The following GNAQ variants were observed in gnomAD, a reference collection of about 807,000 sequenced individuals.
The protein encoded by GNAQ is guanine nucleotide-binding protein G(q) subunit alpha.
In GNAQ, 8 loss-of-function variants were observed where a neutral mutation model predicts 43.9. That is an observed-to-expected ratio of 0.18 (90% CI 0.11 to 0.33). GNAQ has a LOEUF of 0.33. Ranked by LOEUF, GNAQ falls within the 10% of genes least tolerant of loss-of-function variation. The probability of loss-of-function intolerance (pLI) is 1.00; values close to 1 mark genes in which losing one functional copy is unlikely to be tolerated. For missense variants in GNAQ, 158 were observed against 450.8 expected (o/e 0.35, Z 5.88); for synonymous variants, 155 against 170.7 (o/e 0.91, Z 0.71).
chr9:77,892,257 T>C (rs1478363500), intron 2 of GNAQ, among the ~76,000 whole-genome samples: 1 of 152,178 alleles, frequency 6.6e-6, no homozygotes, highest in African/African-American at 2.4e-5. Flanking sequence ...CCAGCCCTAG[T>C]GTGGAACCCA....
intron 2 of GNAQ, among the ~76,000 whole-genome samples, chr9:77,862,726 A>G (rs1827875227): frequency 6.6e-6 from 1 of 152,220 alleles, no homozygotes; most frequent in Non-Finnish European, 1.5e-5. Flanking sequence ...TACTTATGCA[A>G]ATTTCTGCAG....
At chr9:78,018,839 A>C (rs1162555338) in intron 1 of GNAQ, among the ~76,000 whole-genome samples, 2 of 152,220 alleles carry the variant, frequency 1.3e-5, no homozygotes, top group Non-Finnish European at 2.9e-5. Context: ...TTTTTAATAG[A>C]AATCATTGTG....
chr9:77,756,837 A>G (rs1281053996), intron 5 of GNAQ, among the ~76,000 whole-genome samples: 1 of 152,210 alleles, frequency 6.6e-6, no homozygotes, highest in African/African-American at 2.4e-5. Context: ...GAGAAGGGTA[A>G]CTAAAATCCT....
intron 1 of GNAQ, among the ~76,000 whole-genome samples, chr9:77,956,625 C>A (rs1239946617): frequency 3.9e-5 from 6 of 152,154 alleles, no homozygotes; most frequent in Admixed American, 3.9e-4. Flanking sequence ...AGCCTCTCTT[C>A]AATGGTGAGT....
intron 1 of GNAQ, among the ~76,000 whole-genome samples, chr9:77,967,473 A>C (rs1823182794): frequency 6.6e-6 from 1 of 152,054 alleles, no homozygotes; most frequent in African/African-American, 2.4e-5. Context: ...CTCCTTAGCC[A>C]CTCGAAGACC....
intron 2 of GNAQ, among the ~76,000 whole-genome samples, chr9:77,828,399 A>T (rs542984986): frequency 6.6e-6 from 1 of 152,280 alleles, no homozygotes; most frequent in East Asian, 1.9e-4. Flanking sequence ...TGAAGAATGG[A>T]TGTGTATGTA....
At chr9:78,029,978 G>C (rs1215602689) in intron 1 of GNAQ, among the ~76,000 whole-genome samples, 1 of 152,134 alleles carries the variant, frequency 6.6e-6, no homozygotes, top group Non-Finnish European at 1.5e-5. Context: ...CTGATCGCTT[G>C]ATTCTGAACA....
At chr9:77,962,720 T>G (rs931595313) in intron 1 of GNAQ, among the ~76,000 whole-genome samples, 1 of 151,726 alleles carries the variant, frequency 6.6e-6, no homozygotes, top group African/African-American at 2.4e-5. Flanking sequence ...TGAAACCCCG[T>G]GTCTAATAAA....
At position 77,815,780 on chromosome 9, in the gene GNAQ, T is replaced by TA. The variant is rs760319347; in HGVS notation, c.322-11dup. The TA allele has an allele frequency of 1.4e-5, 22 of 1,601,742 alleles. No homozygotes were observed. The highest frequency in any genetic ancestry group is 2.2e-5 in the East Asian group (1 of 44,728). On this transcript the variant is annotated splice_polypyrimidine_tract_variant and intron_variant, in intron 2 of 6. Transcript: ENST00000286548. The stretch of plus-strand genomic sequence containing the variant: ...CTAATTGTGCATGAGCCTGTTTAAA[T>TA]AAAAAAAGGCAGTTTTAATACCCTA...
intron 1 of GNAQ, among the ~76,000 whole-genome samples, chr9:77,936,079 A>G (rs1034946166): frequency 1.3e-5 from 2 of 152,198 alleles, no homozygotes; most frequent in Non-Finnish European, 2.9e-5. Flanking sequence ...AGTTAAAGAA[A>G]GTACATCGGT....
At chr9:77,904,583 C>T (rs1290224446) in intron 2 of GNAQ, among the ~76,000 whole-genome samples, 3 of 151,968 alleles carry the variant, frequency 2.0e-5, no homozygotes, top group Admixed American at 6.6e-5. Flanking sequence ...CTGCCCGCCT[C>T]GGCCTCCCAA....
rs571821162 is a variant in GNAQ, at chr9:78,018,733, C to T, written c.136+12367G>A. Among the ~76,000 whole-genome samples, 63 of 152,192 alleles carry T rather than the reference C, an allele frequency of 4.1e-4. 1 individual carries two copies. Among genetic ancestry groups the T allele is most frequent in the South Asian group, 1.0e-3 (5 of 4,814 alleles). On this transcript the variant is annotated intron_variant, in intron 1 of 6. Coordinates refer to ENST00000286548, the MANE Select transcript of GNAQ (RefSeq NM_002072.5). ...CCACCAAATGACAGTATCTCAAGTG[C>T]TCTTATTTCATTCCAAAAAGAGAAT...
At position 77,717,884 on chromosome 9, in the gene GNAQ, A is replaced by T. The variant is rs1825250424; in HGVS notation, c.*3439T>A. 4.3e-6 allele frequency: 1 copy of T among 232,328 alleles called. No individual in the cohort carries two copies. The highest frequency in any genetic ancestry group is 2.2e-5 in the African/African-American group (1 of 45,258). 14.4% of individuals were successfully genotyped at this position (232,328 alleles called of 1,614,324 possible). ...CTTTATATGGAAATGTTAAAAACAAAAACTTCTAGGAGATTTATTTACTTT... is the reference window on the plus strand; with the variant it reads ...CTTTATATGGAAATGTTAAAAACAATAACTTCTAGGAGATTTATTTACTTT... On this transcript the variant is annotated 3_prime_UTR_variant, in exon 7 of 7. Transcript: ENST00000286548.
intron 2 of GNAQ, among the ~76,000 whole-genome samples, chr9:77,876,594 TG>T (rs1828128505): frequency 6.6e-6 from 1 of 152,218 alleles, no homozygotes; most frequent in Non-Finnish European, 1.5e-5. Context: ...TTAAACCCAT[TG>T]TTTCCAGCCA....
At chr9:77,901,244 A>G (rs1001334297) in intron 2 of GNAQ, among the ~76,000 whole-genome samples, 1 of 152,136 alleles carries the variant, frequency 6.6e-6, no homozygotes, top group Non-Finnish European at 1.5e-5. Flanking sequence ...TTCCTGCCCA[A>G]GGGCTCTTGG....
At chr9:77,843,544 T>C (rs547484013) in intron 2 of GNAQ, among the ~76,000 whole-genome samples, 294 of 152,320 alleles carry the variant, frequency 1.9e-3, no homozygotes, top group Non-Finnish European at 3.7e-3. Context: ...AATCACTAGC[T>C]TCTGCTTTGT....
intron 1 of GNAQ, among the ~76,000 whole-genome samples, chr9:77,932,774 G>T (rs1186996150): frequency 1.3e-5 from 2 of 152,154 alleles, no homozygotes; most frequent in Non-Finnish European, 2.9e-5. Flanking sequence ...GACAGCCTTG[G>T]AAAGTCTGAA....
intron 5 of GNAQ, among the ~76,000 whole-genome samples, chr9:77,771,500 CCT>C (rs1587909167): frequency 2.0e-5 from 3 of 151,690 alleles, no homozygotes; most frequent in Admixed American, 2.0e-4. Flanking sequence ...ATATATTCCT[CCT>C]GTTAAGTATC....
intron 2 of GNAQ, among the ~76,000 whole-genome samples, chr9:77,853,764 A>C (rs1422822700): frequency 7.1e-6 from 1 of 140,372 alleles, no homozygotes; most frequent in African/African-American, 2.7e-5. Context: ...GATCTTTGTG[A>C]AATTACTACC....
Sources: allele counts gnomAD v4.1 joint callset (sites outside exome capture counted in the v4.1 genomes callset), GRCh38; gene constraint gnomAD v4.1.1; transcripts MANE v1.5; gene names NCBI Gene and HGNC (gene_info 2026-07-23, HGNC 2026-07-21).